Variants in HS2ST1 observed in about 807,000 individuals in gnomAD.
HS2ST1 encodes the protein heparan sulfate 2-O-sulfotransferase 1, also known as 2-O-sulfotransferase.
A neutral mutation model predicts 42.9 loss-of-function variants in HS2ST1; 18 were observed. The ratio of observed to expected loss-of-function variants is 0.42; its 90% CI spans 0.29 to 0.62. HS2ST1 has a LOEUF of 0.62. Ranked by LOEUF, HS2ST1 falls within the 20% of genes least tolerant of loss-of-function variation. The probability of loss-of-function intolerance (pLI) is 0.21; values close to 1 mark genes in which losing one functional copy is unlikely to be tolerated. For missense variants in HS2ST1, 334 were observed against 433.8 expected (o/e 0.77, Z 2.04); for synonymous variants, 146 against 152.9 (o/e 0.95, Z 0.33).
chr1:86,964,008 G>C (rs1192402180), intron 1 of HS2ST1, among the ~76,000 whole-genome samples: 1 of 149,902 alleles, frequency 6.7e-6, no homozygotes, highest in East Asian at 2.0e-4. Context: ...CAGGGCGGCC[G>C]GGCAGAGACG....
At chr1:86,945,731 A>G (rs1227425793) in intron 1 of HS2ST1, among the ~76,000 whole-genome samples, 3 of 152,200 alleles carry the variant, frequency 2.0e-5, no homozygotes, top group Admixed American at 1.3e-4. Context: ...CTACAGGAAT[A>G]TGAACTGATG....
At chr1:87,062,533 A>G (rs992388503) in intron 1 of HS2ST1, among the ~76,000 whole-genome samples, 1 of 152,136 alleles carries the variant, frequency 6.6e-6, no homozygotes, top group African/African-American at 2.4e-5. Flanking sequence ...CACATCACAG[A>G]ATGCCGTAAT....
chr1:86,945,749 A>G (rs1469424858), intron 1 of HS2ST1, among the ~76,000 whole-genome samples: 2 of 152,188 alleles, frequency 1.3e-5, no homozygotes, highest in African/African-American at 4.8e-5. Context: ...ATGGCCTGAA[A>G]AAGACTGCAT....
intron 1 of HS2ST1, among the ~76,000 whole-genome samples, chr1:86,940,932 G>A (rs372954685): frequency 2.0e-5 from 3 of 152,066 alleles, no homozygotes; most frequent in South Asian, 2.1e-4. Flanking sequence ...AGGTGCAGTC[G>A]GGTGAGATGG....
At chr1:87,085,204 T>A (rs1341441117) in intron 3 of HS2ST1, among the ~76,000 whole-genome samples, 2 of 151,748 alleles carry the variant, frequency 1.3e-5, no homozygotes, top group African/African-American at 2.4e-5. Flanking sequence ...CTAAAAAAAT[T>A]TTTTTTATTA....
intron 1 of HS2ST1, chr1:87,046,577 A>G: frequency 6.3e-7 from 1 of 1,578,380 alleles, no homozygotes; most frequent in Non-Finnish European, 8.7e-7. Context: ...ATGGCGGAAA[A>G]GGAAACCTCC....
intron 1 of HS2ST1, among the ~76,000 whole-genome samples, chr1:86,959,845 A>G (rs914566414): frequency 5.3e-5 from 8 of 152,224 alleles, no homozygotes; most frequent in Non-Finnish European, 8.8e-5. Flanking sequence ...CAGACTCAAT[A>G]TTGTTAAGAT....
chr1:86,941,075 G>A (rs1287371405), intron 1 of HS2ST1, among the ~76,000 whole-genome samples: 3 of 152,176 alleles, frequency 2.0e-5, no homozygotes, highest in Non-Finnish European at 4.4e-5. Flanking sequence ...ATATGCTGTA[G>A]AACTGGAACA....
chr1:87,022,981 A>T (rs1649989949), intron 1 of HS2ST1, among the ~76,000 whole-genome samples: 1 of 152,166 alleles, frequency 6.6e-6, no homozygotes, highest in Admixed American at 6.5e-5. Flanking sequence ...TGATTTGTAT[A>T]TGCCTACCCT....
At chr1:87,098,009 G>A in intron 5 of HS2ST1, 74 bp downstream of exon 5, 1 of 1,595,290 alleles carries the variant, frequency 6.3e-7, no homozygotes, top group Admixed American at 1.7e-5. Context: ...ATTTCACAAG[G>A]GCTAGATATA....
intron 1 of HS2ST1, among the ~76,000 whole-genome samples, chr1:86,948,667 T>C (rs1647413258): frequency 6.6e-6 from 1 of 152,220 alleles, no homozygotes; most frequent in Admixed American, 6.5e-5. Flanking sequence ...TATTTTTAAT[T>C]AGAATAGTAA....
At chr1:87,084,004 T>C (rs1295549057) in intron 2 of HS2ST1, among the ~76,000 whole-genome samples, 190 bp from the exon 3 acceptor site, 1 of 152,234 alleles carries the variant, frequency 6.6e-6, no homozygotes, top group Non-Finnish European at 1.5e-5. Context: ...GTGAGTATAA[T>C]GATAGTAGCT....
intron 2 of HS2ST1, among the ~76,000 whole-genome samples, chr1:87,081,733 A>ATCTCAGCATT (rs1489161377): frequency 1.3e-5 from 2 of 152,160 alleles, no homozygotes; most frequent in Non-Finnish European, 2.9e-5. Flanking sequence ...AAGATGAGTA[A>ATCTCAGCATT]TCTCAGCATT....
intron 1 of HS2ST1, among the ~76,000 whole-genome samples, chr1:86,992,025 C>A (rs979782147): frequency 6.6e-6 from 1 of 152,102 alleles, no homozygotes; most frequent in Non-Finnish European, 1.5e-5. Flanking sequence ...CTCTGCCTCC[C>A]GTCAGATCAG....
intron 1 of HS2ST1, among the ~76,000 whole-genome samples, chr1:87,025,173 T>A (rs753189932): frequency 1.4e-5 from 1 of 69,450 alleles, no homozygotes; most frequent in African/African-American, 4.6e-5. Flanking sequence ...CTAACACTTC[T>A]GGAACTGGAG....
At chr1:87,048,155 A>G (rs1416619519) in intron 1 of HS2ST1, among the ~76,000 whole-genome samples, 1 of 152,092 alleles carries the variant, frequency 6.6e-6, no homozygotes, top group East Asian at 1.9e-4. Context: ...AAATTTATTT[A>G]TATTTTTGTG....
In HS2ST1 at chr1:86,966,414, G is replaced by T. The variant is rs567714585; in HGVS notation, c.124+51254G>T. On this transcript the variant is annotated intron_variant, in intron 1 of 6. Transcript: ENST00000370550. ...CTGAACAATATTTATAACAGTTAGG[G>T]TTAGGGGGCATTGCTCTTAAATTGG... Among the ~76,000 whole-genome samples the T allele has an allele frequency of 1.8e-4, 28 of 152,212 alleles. No homozygotes were observed. The South Asian group carries it at 2.7e-3, about 15-fold the overall frequency.
At chr1:87,095,417 T>G (rs540285633) in intron 4 of HS2ST1, among the ~76,000 whole-genome samples, 2 of 152,320 alleles carry the variant, frequency 1.3e-5, no homozygotes, top group East Asian at 3.9e-4. Context: ...CGTACTCTAG[T>G]AATCTGAACT....
intron 1 of HS2ST1, among the ~76,000 whole-genome samples, chr1:86,929,331 T>G (rs1364982847): frequency 6.6e-6 from 1 of 151,892 alleles, no homozygotes; most frequent in Non-Finnish European, 1.5e-5. Context: ...GACACTTGTC[T>G]GATAAGTCCT....
Sources: gnomAD v4.1 joint callset for allele counts (sites outside exome capture counted in the v4.1 genomes callset) on GRCh38, gnomAD v4.1.1 for gene constraint, MANE v1.5 for transcripts, NCBI Gene and HGNC (gene_info 2026-07-23, HGNC 2026-07-21) for gene names.